IL1RAPL2: variants seen among roughly 807,000 people sequenced by gnomAD.
IL1RAPL2 encodes interleukin 1 receptor accessory protein like 2.
Under a neutral mutation model 44.1 loss-of-function variants are expected in IL1RAPL2, and 3 were observed. The observed-to-expected ratio is 0.07, with a 90% confidence interval of 0.03 to 0.18. IL1RAPL2 has a LOEUF of 0.18. Ranked by LOEUF, IL1RAPL2 falls within the 10% of genes least tolerant of loss-of-function variation. The pLI is 1.00. For missense variants in IL1RAPL2, 391 were observed against 496.4 expected, an observed-to-expected ratio of 0.79 and a Z score of 2.02; for synonymous variants, 181 against 178.8, an observed-to-expected ratio of 1.01 and a Z score of -0.10.
At chrX:104,983,672 ATAT>A (rs1314015611) in intron 2 of IL1RAPL2, among the ~76,000 whole-genome samples, 23 of 98,873 alleles carry the variant, frequency 2.3e-4, no homozygotes, top group African/African-American at 4.0e-4. Flanking sequence ...TATATACATA[ATAT>A]TATATACATA....
chrX:105,649,332 C>T (rs753709438), intron 6 of IL1RAPL2, among the ~76,000 whole-genome samples: 1 of 110,773 alleles, frequency 9.0e-6, no homozygotes, highest in Non-Finnish European at 1.9e-5. Context: ...AGACTGCTAA[C>T]CATGACCCAC....
intron 1 of IL1RAPL2, among the ~76,000 whole-genome samples, chrX:104,606,571 C>T (rs1975248973): frequency 1.8e-5 from 2 of 111,753 alleles, no homozygotes; most frequent in Admixed American, 1.9e-4. Context: ...TAGAAAACCC[C>T]ATCGTCTCAG....
chrX:105,731,216 A>G (rs1228829579), intron 7 of IL1RAPL2, among the ~76,000 whole-genome samples: 1 of 111,683 alleles, frequency 9.0e-6, no homozygotes, highest in Non-Finnish European at 1.9e-5. Flanking sequence ...ACAGAAATAC[A>G]AAAGATTATC....
intron 5 of IL1RAPL2, among the ~76,000 whole-genome samples, chrX:105,343,590 A>G (rs1436552522): frequency 8.9e-6 from 1 of 112,272 alleles, no homozygotes; most frequent in East Asian, 2.8e-4. Context: ...CTTGAACCAT[A>G]GTAAATAACT....
chrX:104,674,182 T>G (rs183964430), intron 2 of IL1RAPL2, among the ~76,000 whole-genome samples: 1 of 112,197 alleles, frequency 8.9e-6, no homozygotes, highest in Admixed American at 9.4e-5. Context: ...GTGCCAGTTT[T>G]CAAAGGGAAT....
At chrX:104,644,738 C>A (rs1367843543) in intron 1 of IL1RAPL2, among the ~76,000 whole-genome samples, 1 of 110,960 alleles carries the variant, frequency 9.0e-6, no homozygotes, top group Non-Finnish European at 1.9e-5. Context: ...AATCATGAGG[C>A]AAACATCAAT....
At chrX:104,638,499 C>T (rs777109801) in intron 1 of IL1RAPL2, among the ~76,000 whole-genome samples, 1 of 111,744 alleles carries the variant, frequency 8.9e-6, no homozygotes, top group South Asian at 3.7e-4. Flanking sequence ...GCATTTATTA[C>T]TATAAACTTC....
At chrX:105,708,984 C>A (rs2038186775) in intron 6 of IL1RAPL2, among the ~76,000 whole-genome samples, 1 of 112,396 alleles carries the variant, frequency 8.9e-6, no homozygotes, top group Non-Finnish European at 1.9e-5. Context: ...TACACACATA[C>A]AACATATTTG....
At chrX:104,852,573 C>T (rs1395100102) in intron 2 of IL1RAPL2, among the ~76,000 whole-genome samples, 1 of 112,017 alleles carries the variant, frequency 8.9e-6, no homozygotes, top group Non-Finnish European at 1.9e-5. Flanking sequence ...ATAGTGTTTC[C>T]TACAAGCTAT....
At chrX:105,121,093 T>C (rs1329457528) in intron 2 of IL1RAPL2, among the ~76,000 whole-genome samples, 2 of 111,775 alleles carry the variant, frequency 1.8e-5, no homozygotes, top group East Asian at 2.8e-4. Context: ...GTGTTCTAAA[T>C]TGAGAAATCT....
At chrX:105,698,721 A>G (rs1194123562) in intron 6 of IL1RAPL2, among the ~76,000 whole-genome samples, 1 of 112,336 alleles carries the variant, frequency 8.9e-6, no homozygotes, top group Non-Finnish European at 1.9e-5. Flanking sequence ...GAGAGCTAAA[A>G]TCAGTCTGTG....
intron 6 of IL1RAPL2, among the ~76,000 whole-genome samples, chrX:105,687,288 A>G (rs755358934): frequency 2.7e-5 from 3 of 110,740 alleles, no homozygotes; most frequent in African/African-American, 9.8e-5. Context: ...TGAATCCAGG[A>G]GCTGGTTTTT....
intron 5 of IL1RAPL2, among the ~76,000 whole-genome samples, chrX:105,445,464 G>A (rs1166919316): frequency 1.8e-5 from 2 of 110,431 alleles, no homozygotes; most frequent in Non-Finnish European, 3.8e-5. Flanking sequence ...TCTCACTTTT[G>A]TAGTTCTTTT....
At chrX:105,669,280 G>A (rs936622230) in intron 6 of IL1RAPL2, among the ~76,000 whole-genome samples, 2 of 111,528 alleles carry the variant, frequency 1.8e-5, no homozygotes, top group South Asian at 7.5e-4. Context: ...CATTCATTAC[G>A]CTTTCTGGGA....
intron 2 of IL1RAPL2, among the ~76,000 whole-genome samples, chrX:104,793,710 A>G (rs1283787574): frequency 9.0e-6 from 1 of 111,657 alleles, no homozygotes; most frequent in Non-Finnish European, 1.9e-5. Context: ...GAGTAGAGGT[A>G]AAGTAATATC....
chrX:104,909,106 A>T (rs1439760171), intron 2 of IL1RAPL2, among the ~76,000 whole-genome samples: 1 of 111,207 alleles, frequency 9.0e-6, no homozygotes, highest in Non-Finnish European at 1.9e-5. Flanking sequence ...GTCTTCCATC[A>T]CTGATACCCT....
intron 5 of IL1RAPL2, among the ~76,000 whole-genome samples, chrX:105,458,147 T>A (rs186271767): frequency 2.7e-5 from 3 of 111,644 alleles, no homozygotes; most frequent in Admixed American, 1.9e-4. Context: ...TCGAATTTCT[T>A]TGCCCATCTC....
chrX:105,343,389 T>C, intron 5 of IL1RAPL2, among the ~76,000 whole-genome samples: 1 of 112,395 alleles, frequency 8.9e-6, no homozygotes, highest in Admixed American at 9.5e-5. Flanking sequence ...TTCATTTCAG[T>C]CTTTTTTTCT....
At chrX:105,299,102 CT>C (rs1227307961) in intron 5 of IL1RAPL2, among the ~76,000 whole-genome samples, 4 of 111,486 alleles carry the variant, frequency 3.6e-5, no homozygotes, top group South Asian at 3.8e-4. Flanking sequence ...ATCAAATAAG[CT>C]TTTTTGTTGT....
Sources: gnomAD v4.1 joint callset for allele counts (sites outside exome capture counted in the v4.1 genomes callset) on GRCh38, gnomAD v4.1.1 for gene constraint, MANE v1.5 for transcripts, NCBI Gene and HGNC (gene_info 2026-07-23, HGNC 2026-07-21) for gene names.